CD44: variants seen among roughly 807,000 people sequenced by gnomAD.
CD44 encodes the protein CD44 antigen.
CD44 carries 49 observed loss-of-function variants against 88.8 expected under a neutral mutation model. The ratio of observed to expected loss-of-function variants is 0.55; its 90% confidence interval spans 0.44 to 0.70. The LOEUF is 0.70. CD44 is among the 30% of genes least tolerant of loss of function. The pLI is 0.00. For missense variants in CD44, 883 were observed against 913.8 expected (o/e 0.97, Z 0.43); for synonymous variants, 325 against 312.3 (o/e 1.04, Z -0.43).
intron 17 of CD44, among the ~76,000 whole-genome samples, chr11:35,222,151 A>C (rs1949351731): frequency 6.6e-6 from 1 of 152,214 alleles, no homozygotes; most frequent in Non-Finnish European, 1.5e-5. Context: ...GATTTGTTAA[A>C]TATTTATTAA....
chr11:35,194,622 C>G (rs548690822), intron 5 of CD44, among the ~76,000 whole-genome samples: 5 of 152,172 alleles, frequency 3.3e-5, no homozygotes, highest in Non-Finnish European at 7.3e-5. Flanking sequence ...TCCATTATCA[C>G]GTCAAATCTC....
At chr11:35,159,053 C>T (rs1218099256) in intron 1 of CD44, among the ~76,000 whole-genome samples, 2 of 152,180 alleles carry the variant, frequency 1.3e-5, no homozygotes, top group Non-Finnish European at 2.9e-5. Flanking sequence ...GGCCAGAGAA[C>T]AGAAGGGCTC....
At chr11:35,223,209 T>C in intron 17 of CD44, 2 of 985,124 alleles carry the variant, frequency 2.0e-6, no homozygotes, top group South Asian at 4.7e-5. Context: ...TTTTTTTTAG[T>C]TGAATTTAAA....
intron 1 of CD44, among the ~76,000 whole-genome samples, chr11:35,149,137 T>A (rs1265172244): frequency 6.6e-6 from 1 of 152,186 alleles, no homozygotes; most frequent in Non-Finnish European, 1.5e-5. Context: ...TCTGGCCTCA[T>A]GTATAAAAAG....
In CD44 at chr11:35,219,297, A is replaced by G. The variant is rs1276237021; in HGVS notation, c.1874-19A>G. The stretch of plus-strand genomic sequence containing the variant: ...ACACATTTCAAACTTTGGTTGAGAG[A>G]TGTTGTTTTTCCCCTTAGGACACTC... On this transcript the variant is annotated intron_variant, in intron 15 of 17. Coordinates refer to ENST00000428726, the MANE Select transcript of CD44 (RefSeq NM_000610.4). 1 of 1,603,926 alleles carries G rather than the reference A, an allele frequency of 6.2e-7. No homozygotes were observed. Among genetic ancestry groups the G allele is most frequent in the Admixed American group, 1.7e-5 (1 of 59,990 alleles).
At chr11:35,213,543 T>A (rs1219131386) in intron 14 of CD44, 1 of 152,172 alleles carries the variant, frequency 6.6e-6, no homozygotes, top group East Asian at 1.9e-4. Flanking sequence ...TCTCACCTAC[T>A]CAGGAGACTA....
intron 14 of CD44, among the ~76,000 whole-genome samples, chr11:35,214,207 A>G (rs1948646422): frequency 6.6e-6 from 1 of 152,194 alleles, no homozygotes; most frequent in Admixed American, 6.5e-5. Context: ...TTAAAAAATT[A>G]TTTTAAACTT....
chr11:35,192,534 A>G (rs1395434320), intron 5 of CD44, among the ~76,000 whole-genome samples: 2 of 152,144 alleles, frequency 1.3e-5, no homozygotes, highest in Admixed American at 6.5e-5. Flanking sequence ...GAGAGCACAG[A>G]AGAAGCGGTC....
chr11:35,151,038 G>T (rs1860222116), intron 1 of CD44, among the ~76,000 whole-genome samples: 1 of 152,190 alleles, frequency 6.6e-6, no homozygotes, highest in Non-Finnish European at 1.5e-5. Context: ...CAGAAGACAG[G>T]AAAAACAGAC....
intron 16 of CD44, among the ~76,000 whole-genome samples, chr11:35,220,461 G>A (rs1030241217): frequency 1.3e-5 from 2 of 152,148 alleles, no homozygotes; most frequent in African/African-American, 2.4e-5. Context: ...GGAAATCAGA[G>A]ATAAACCAAA....
intron 1 of CD44, among the ~76,000 whole-genome samples, chr11:35,148,500 A>C (rs1859657954): frequency 6.6e-6 from 1 of 152,268 alleles, no homozygotes; most frequent in Non-Finnish European, 1.5e-5. Flanking sequence ...CAATATCATT[A>C]GAGGTCAGGT....
At chr11:35,206,392 G>A (rs1947842904) in intron 11 of CD44, 149 bp downstream of exon 11, 1 of 696,770 alleles carries the variant, frequency 1.4e-6, no homozygotes. Flanking sequence ...TTCTTGGTAG[G>A]AGTGATACTC....
chr11:35,186,865 A>T lies in CD44; in HGVS notation c.401A>T (p.Asp134Val), dbSNP rs1356871470. 2 of 1,608,318 alleles carry T rather than the reference A, an allele frequency of 1.2e-6. No individual in the cohort carries two copies. ...PPEEDCTSVTDLPNAFDGPIT... is the reference protein window; with the variant it reads ...PPEEDCTSVTVLPNAFDGPIT... ...GAAGAAGATTGTACATCAGTCACAG[A>T]CCTGCCCAATGCCTTTGATGGACCA... Residue 134 changes from aspartate (D) to valine (V), a missense_variant, in exon 4 of 18, where the codon GAC (aspartate) becomes GTC (valine). Asp to Val is a radical substitution (Grantham distance 152). This residue lies in a region of CD44 where 252 missense variants were observed against 322.9 expected (regional missense o/e 0.78). Transcript: ENST00000428726.
At chr11:35,191,519 G>A (rs1275444683) in intron 5 of CD44, among the ~76,000 whole-genome samples, 2 of 152,168 alleles carry the variant, frequency 1.3e-5, no homozygotes, top group Non-Finnish European at 2.9e-5. Context: ...GCTACTCACT[G>A]CTTCTTGGGT....
At chr11:35,169,407 T>C (rs1943636156) in intron 1 of CD44, among the ~76,000 whole-genome samples, 1 of 125,902 alleles carries the variant, frequency 7.9e-6, no homozygotes, top group Admixed American at 8.6e-5. Flanking sequence ...GATGTTGCCC[T>C]ACCTAAACAC....
intron 5 of CD44, among the ~76,000 whole-genome samples, chr11:35,193,335 G>A (rs543026260): frequency 1.3e-5 from 2 of 152,326 alleles, no homozygotes; most frequent in African/African-American, 4.8e-5. Context: ...TGCATCACAG[G>A]TGGCCCACAG....
At chr11:35,176,535 T>C (rs763412638) in intron 1 of CD44, 40 bp from the exon 2 acceptor site, 2 of 1,576,602 alleles carry the variant, frequency 1.3e-6, no homozygotes, top group South Asian at 1.2e-5. Flanking sequence ...CTCCAAATTA[T>C]TTATGCAAAA....
At chr11:35,180,538 GC>G in intron 3 of CD44, 131 bp downstream of exon 3, 2 of 964,168 alleles carry the variant, frequency 2.1e-6, no homozygotes, top group Non-Finnish European at 3.2e-6. Context: ...GTACAGCAGA[GC>G]CAACATTCCT....
intron 2 of CD44, among the ~76,000 whole-genome samples, chr11:35,180,029 A>G (rs1944837535): frequency 6.6e-6 from 1 of 151,644 alleles, no homozygotes; most frequent in Admixed American, 6.6e-5. Flanking sequence ...TCCTTTCATG[A>G]TTTTTTTTTA....
Sources: gnomAD v4.1 joint callset for allele counts (sites outside exome capture counted in the v4.1 genomes callset) on GRCh38, gnomAD v4.1.1 for gene constraint, gnomAD v4.1.1 regional missense constraint, MANE v1.5 for transcripts, NCBI Gene and HGNC (gene_info 2026-07-23, HGNC 2026-07-21) for gene names.